The following RIMBP2 variants were observed in gnomAD, a reference collection of about 807,000 sequenced individuals.
RIMBP2 encodes RIMS-binding protein 2.
In RIMBP2, 48 loss-of-function variants were observed where a neutral mutation model predicts 118.6. That is an observed-to-expected ratio of 0.40 (90% CI 0.32 to 0.51). The LOEUF is 0.51. RIMBP2 is among the 20% of genes least tolerant of loss of function. The pLI, the probability that RIMBP2 is intolerant of heterozygous loss-of-function variation, is 0.41. For synonymous variants in RIMBP2, 762 were observed against 742.9 expected, an observed-to-expected ratio of 1.03 and a Z score of -0.42; for missense variants, 1,551 against 1,768.3, an observed-to-expected ratio of 0.88 and a Z score of 2.20.
In RIMBP2 at chr12:130,525,915, A is replaced by G. The variant is rs909270132; in HGVS notation, c.-216-7998T>C. On this transcript the variant is annotated intron_variant, in intron 2 of 22. Coordinates refer to ENST00000690449, the MANE Select transcript of RIMBP2 (RefSeq NM_001393629.1). This position sits in a 1 kb window ranked among gnomAD's most constrained non-coding sequence, Gnocchi z 4.4. ...CTCAAGGAGGTTAAGTAACTGAGCG[A>G]GCAGCCTCCCCCGAGCATGTGGAGG... 6.6e-6 allele frequency among the ~76,000 whole-genome samples: 1 copy of G among 152,122 alleles called. No homozygotes were observed. The highest frequency in any genetic ancestry group is 1.5e-5 in the Non-Finnish European group (1 of 68,020).
chr12:130,400,658 C>A (rs2074447096), intron 21 of RIMBP2, among the ~76,000 whole-genome samples: 1 of 152,132 alleles, frequency 6.6e-6, no homozygotes, highest in Admixed American at 6.6e-5. Flanking sequence ...CATCAAAACA[C>A]CTGTGCAGTG....
At chr12:130,700,564 G>C (rs1006621513) in intron 1 of RIMBP2, among the ~76,000 whole-genome samples, 1 of 152,218 alleles carries the variant, frequency 6.6e-6, no homozygotes, top group African/African-American at 2.4e-5. Context: ...AGGCCATGTG[G>C]AGACAGAGGC....
At chr12:130,574,126 T>A (rs1197242913) in intron 2 of RIMBP2, among the ~76,000 whole-genome samples, 1 of 152,120 alleles carries the variant, frequency 6.6e-6, no homozygotes, top group African/African-American at 2.4e-5. Context: ...GAAACATAAC[T>A]AGCAAACAAG....
At chr12:130,582,058 C>T (rs1338308833) in intron 2 of RIMBP2, among the ~76,000 whole-genome samples, 10 of 152,068 alleles carry the variant, frequency 6.6e-5, no homozygotes, top group Non-Finnish European at 1.5e-4. Context: ...CTTCCTCACC[C>T]ACGTAAGGTC....
chr12:130,438,337 C>CGGGG, intron 12 of RIMBP2, 28 bp downstream of exon 12: 3 of 1,214,100 alleles, frequency 2.5e-6, no homozygotes, highest in East Asian at 2.4e-5. Flanking sequence ...CCTAACAAAC[C>CGGGG]CTCCCCACCC....
intron 2 of RIMBP2, among the ~76,000 whole-genome samples, chr12:130,613,432 G>A (rs965398177): frequency 3.9e-5 from 6 of 152,124 alleles, no homozygotes; most frequent in Admixed American, 3.3e-4. Flanking sequence ...CCCCCACCCC[G>A]CAGGCAGAGG....
chr12:130,423,280 T>C (rs2076531741), intron 16 of RIMBP2, among the ~76,000 whole-genome samples: 1 of 152,152 alleles, frequency 6.6e-6, no homozygotes, highest in South Asian at 2.1e-4. Flanking sequence ...GGATGAGGCG[T>C]GTCTGCTGCA....
intron 2 of RIMBP2, among the ~76,000 whole-genome samples, chr12:130,607,720 C>G (rs138023966): frequency 6.6e-6 from 1 of 152,196 alleles, no homozygotes; most frequent in East Asian, 1.9e-4. Flanking sequence ...TCGGAATGCT[C>G]AGTAAGGGGA....
At position 130,414,125 on chromosome 12, in the gene RIMBP2, C is replaced by T; in HGVS notation, c.3420G>A (p.Lys1140=). The change falls in exon 18 of 23, where the codon AAG becomes AAA. Residue 1140 remains lysine, a splice_region_variant and synonymous_variant. Coordinates refer to ENST00000690449, the MANE Select transcript of RIMBP2 (RefSeq NM_001393629.1). ...ELPFKEGQII[K]VYGDKDADGF... ...CCGCCCGCAGGCAGCCATCCCGCACCTTGATGATCTGGCCTTCTTTAAAGG... is the reference window on the plus strand; with the variant it reads ...CCGCCCGCAGGCAGCCATCCCGCACTTTGATGATCTGGCCTTCTTTAAAGG... 6.2e-7 allele frequency: 1 copy of T among 1,614,140 alleles called. No homozygotes were observed. The highest frequency in any genetic ancestry group is 8.5e-7 in the Non-Finnish European group (1 of 1,180,018).
intron 19 of RIMBP2, among the ~76,000 whole-genome samples, chr12:130,409,344 T>TC (rs1378580448): frequency 7.5e-6 from 1 of 133,980 alleles, no homozygotes; most frequent in East Asian, 2.2e-4. Flanking sequence ...TTTTTTTTTT[T>TC]TTTTTTTTTT....
chr12:130,439,176 GGTGT>G (rs146556892), intron 11 of RIMBP2, among the ~76,000 whole-genome samples: 7,571 of 149,650 alleles, frequency 0.051, 264 homozygotes, highest in Middle Eastern at 0.087. Context: ...TGTATGTATG[GGTGT>G]ATGTGTGTAA....
intron 3 of RIMBP2, among the ~76,000 whole-genome samples, chr12:130,512,538 G>T (rs1238759355): frequency 6.6e-6 from 1 of 152,154 alleles, no homozygotes; most frequent in Non-Finnish European, 1.5e-5. Context: ...GGCCAGGCTG[G>T]TGCCAAACTC....
At chr12:130,709,665 G>T (rs1949755884) in intron 1 of RIMBP2, among the ~76,000 whole-genome samples, 1 of 152,142 alleles carries the variant, frequency 6.6e-6, no homozygotes, top group African/African-American at 2.4e-5. Context: ...AGCGTGATGG[G>T]GTGTGTTCCT....
intron 1 of RIMBP2, among the ~76,000 whole-genome samples, chr12:130,640,224 G>A (rs1488057153): frequency 6.6e-6 from 1 of 152,170 alleles, no homozygotes. Context: ...ACTCCCCGGG[G>A]ACAATGTGTA....
chr12:130,486,272 G>C (rs1259502688), intron 4 of RIMBP2, among the ~76,000 whole-genome samples: 4 of 152,132 alleles, frequency 2.6e-5, no homozygotes, highest in Non-Finnish European at 5.9e-5. Context: ...GCTCCTCCTG[G>C]ACATGCCCTG....
Position 130,442,341 on chromosome 12 carries a change from C to T in RIMBP2, c.1011G>A (p.Pro337=), listed in dbSNP as rs140021940. The T allele has an allele frequency of 3.2e-5, 52 of 1,614,204 alleles. No homozygotes were observed. The highest frequency in any genetic ancestry group is 2.2e-4 in the East Asian group (10 of 44,868). ...AKSVIVGWEP[P]AVPPGWGTVS... ...CCGTTCCCCATCCTGGTGGCACCGC[C>T]GGGGGCTCCCAGCCCACAATAACAC... The change falls in exon 11 of 23, where the codon CCG becomes CCA. Residue 337 remains proline, a synonymous_variant. Coordinates refer to ENST00000690449, the MANE Select transcript of RIMBP2 (RefSeq NM_001393629.1). The surrounding 1 kb of genome is among the most constrained non-coding windows in gnomAD (Gnocchi z 6.9).
In RIMBP2 at chr12:130,478,895, G is replaced by A. The variant is rs373824827; in HGVS notation, c.102+17C>T. On this transcript the variant is annotated intron_variant, in intron 5 of 22. Coordinates refer to ENST00000690449, the MANE Select transcript of RIMBP2 (RefSeq NM_001393629.1). ...ACTCCCTGCCTCGCACGCCGCGCCC[G>A]GCTGCCCGCCGCTTACCTTCTGCAG... The A allele has an allele frequency of 3.1e-4, 502 of 1,600,114 alleles. No individual in the cohort carries two copies. The highest frequency in any genetic ancestry group is 3.9e-4 in the Non-Finnish European group (456 of 1,169,810).
At chr12:130,428,396 C>A (rs564932008) in intron 14 of RIMBP2, 59 bp from the exon 15 acceptor site, 1 of 1,532,652 alleles carries the variant, frequency 6.5e-7, no homozygotes, top group South Asian at 1.3e-5. Context: ...CTACAAGAGG[C>A]CAGATTGAGC....
chr12:130,705,836 C>G (rs944329995), intron 1 of RIMBP2, among the ~76,000 whole-genome samples: 3 of 152,254 alleles, frequency 2.0e-5, no homozygotes, highest in African/African-American at 7.2e-5. Flanking sequence ...AAGCCGTTCT[C>G]TTCCCAGCCT....
Sources: allele counts gnomAD v4.1 joint callset (sites outside exome capture counted in the v4.1 genomes callset), GRCh38; gene constraint gnomAD v4.1.1; non-coding constraint Gnocchi (gnomAD v3.1); transcripts MANE v1.5; gene names NCBI Gene and HGNC (gene_info 2026-07-23, HGNC 2026-07-21).